PDE4D: variants seen among roughly 807,000 people sequenced by gnomAD.
PDE4D encodes 3',5'-cyclic-AMP phosphodiesterase 4D.
A neutral mutation model predicts 87.4 loss-of-function variants in PDE4D; 24 were observed. The ratio of observed to expected loss-of-function variants is 0.27; its 90% CI spans 0.20 to 0.39. The LOEUF is 0.39. PDE4D is among the 10% of genes least tolerant of loss of function. The probability of loss-of-function intolerance (pLI) is 1.00; values close to 1 mark genes in which losing one functional copy is unlikely to be tolerated. For synonymous variants in PDE4D, 384 were observed against 383.2 expected, an observed-to-expected ratio of 1.00 and a Z score of -0.02; for missense variants, 714 against 1,041.0, an observed-to-expected ratio of 0.69 and a Z score of 4.32.
intron 3 of PDE4D, among the ~76,000 whole-genome samples, chr5:59,959,719 G>A (rs545693402): frequency 6.6e-6 from 1 of 151,934 alleles, no homozygotes; most frequent in South Asian, 2.1e-4. Flanking sequence ...GACTTAAATG[G>A]GAGACCTCAA....
intron 6 of PDE4D, among the ~76,000 whole-genome samples, chr5:59,017,627 A>T (rs1292053982): frequency 1.3e-5 from 2 of 151,780 alleles, no homozygotes; most frequent in Non-Finnish European, 2.9e-5. Flanking sequence ...CACTTGAAAG[A>T]CATTATATTA....
intron 2 of PDE4D, among the ~76,000 whole-genome samples, chr5:59,999,252 T>C (rs543686637): frequency 6.6e-6 from 1 of 152,256 alleles, no homozygotes; most frequent in South Asian, 2.1e-4. Flanking sequence ...GAGTGGAATG[T>C]ATGTCCAATG....
At chr5:60,051,519 C>G (rs1201922243) in intron 2 of PDE4D, among the ~76,000 whole-genome samples, 1 of 152,166 alleles carries the variant, frequency 6.6e-6, no homozygotes, top group Non-Finnish European at 1.5e-5. Context: ...ACCAGAATCT[C>G]TAGGACACAG....
chr5:59,149,684 G>C (rs1779174339), intron 5 of PDE4D, among the ~76,000 whole-genome samples: 1 of 130,442 alleles, frequency 7.7e-6, no homozygotes, highest in South Asian at 2.5e-4. Context: ...GAGTAACTTT[G>C]CCTTTCTCCC....
intron 1 of PDE4D, among the ~76,000 whole-genome samples, chr5:59,792,167 C>T (rs1376811412): frequency 6.6e-6 from 1 of 151,952 alleles, no homozygotes; most frequent in Non-Finnish European, 1.5e-5. Context: ...GGGGAGGAAA[C>T]GTGGCACAGA....
At chr5:60,471,574 T>G (rs1747814231) in intron 1 of PDE4D, among the ~76,000 whole-genome samples, 1 of 152,142 alleles carries the variant, frequency 6.6e-6, no homozygotes. Context: ...TTCATGCAAT[T>G]GTCACAACCA....
chr5:59,181,540 TC>T (rs1741534356), intron 4 of PDE4D, among the ~76,000 whole-genome samples: 2 of 19,634 alleles, frequency 1.0e-4, no homozygotes, highest in Non-Finnish European at 2.2e-4. Flanking sequence ...TTCAAAGATG[TC>T]TGATATATAT....
At chr5:59,992,621 G>T (rs2152833452) in intron 2 of PDE4D, among the ~76,000 whole-genome samples, 1 of 152,178 alleles carries the variant, frequency 6.6e-6, no homozygotes, top group Middle Eastern at 3.4e-3. Context: ...TGTTAGCATT[G>T]CAATTGCAAA....
chr5:59,914,866 G>GGGGT (rs1342565323), intron 3 of PDE4D, among the ~76,000 whole-genome samples: 27 of 122,622 alleles, frequency 2.2e-4, no homozygotes, highest in South Asian at 3.0e-4. Context: ...TACTGATAGG[G>GGGGT]GTGTGTGTGT....
chr5:60,271,803 C>T (rs893247756), intron 1 of PDE4D, among the ~76,000 whole-genome samples: 3 of 152,208 alleles, frequency 2.0e-5, no homozygotes, highest in Admixed American at 6.5e-5. Context: ...AAAGATACAA[C>T]CTCTGCTCCA....
intron 1 of PDE4D, among the ~76,000 whole-genome samples, chr5:59,265,273 A>G (rs1405870507): frequency 1.3e-5 from 2 of 151,914 alleles, no homozygotes; most frequent in Admixed American, 6.6e-5. Flanking sequence ...ATTGAGTTTT[A>G]AATAACTAAA....
intron 4 of PDE4D, among the ~76,000 whole-genome samples, chr5:59,183,093 A>G (rs571891047): frequency 3.3e-5 from 5 of 152,328 alleles, no homozygotes; most frequent in African/African-American, 1.2e-4. Flanking sequence ...GATGAGGCAG[A>G]GTTACAGCAC....
chr5:60,148,147 ACC>A (rs1463811654), intron 2 of PDE4D, among the ~76,000 whole-genome samples: 1 of 152,072 alleles, frequency 6.6e-6, no homozygotes. Context: ...ATAGTTTATT[ACC>A]CCCACCAAGC....
chr5:59,241,734 C>A (rs1340798607), intron 1 of PDE4D, among the ~76,000 whole-genome samples: 1 of 152,114 alleles, frequency 6.6e-6, no homozygotes, highest in African/African-American at 2.4e-5. Flanking sequence ...GAGGGCTTTT[C>A]TCTGGGGATT....
At chr5:59,564,753 G>T (rs1820598088) in intron 1 of PDE4D, among the ~76,000 whole-genome samples, 1 of 152,048 alleles carries the variant, frequency 6.6e-6, no homozygotes, top group African/African-American at 2.4e-5. Context: ...AGGGCCCCCA[G>T]GAAACTCCCA....
At chr5:60,313,167 T>C (rs1019078987) in intron 1 of PDE4D, among the ~76,000 whole-genome samples, 2 of 151,352 alleles carry the variant, frequency 1.3e-5, no homozygotes, top group Non-Finnish European at 2.9e-5. Flanking sequence ...ATAAATAAAA[T>C]TGATACACCA....
At chr5:60,495,646 G>T (rs185954458) in intron 1 of PDE4D, among the ~76,000 whole-genome samples, 7 of 152,346 alleles carry the variant, frequency 4.6e-5, no homozygotes, top group Non-Finnish European at 7.3e-5. Context: ...TTGACCTTTT[G>T]CTAAGTGAAA....
intron 1 of PDE4D, among the ~76,000 whole-genome samples, chr5:59,754,352 T>A (rs1760909245): frequency 6.6e-6 from 1 of 152,078 alleles, no homozygotes; most frequent in Non-Finnish European, 1.5e-5. Context: ...TAAGACAGTT[T>A]CTCAACGTAT....
At chr5:60,422,170 T>C (rs555404318) in intron 1 of PDE4D, among the ~76,000 whole-genome samples, 1 of 152,200 alleles carries the variant, frequency 6.6e-6, no homozygotes, top group South Asian at 2.1e-4. Flanking sequence ...CAGGCCAACA[T>C]TCAAATTCAG....
Sources: gnomAD v4.1 joint callset for allele counts (sites outside exome capture counted in the v4.1 genomes callset) on GRCh38, gnomAD v4.1.1 for gene constraint, MANE v1.5 for transcripts, NCBI Gene and HGNC (gene_info 2026-07-23, HGNC 2026-07-21) for gene names.